Variants in EXOC4 observed in about 807,000 individuals in gnomAD.
EXOC4 encodes exocyst complex component 4, also known as SEC8-like 1.
In EXOC4, 71 loss-of-function variants were observed where a neutral mutation model predicts 107.2. The observed-to-expected ratio is 0.66, with a 90% confidence interval of 0.55 to 0.81. The LOEUF (loss-of-function observed/expected upper bound fraction) is 0.81. EXOC4 is among the 30% of genes least tolerant of loss of function. The pLI, the probability that EXOC4 is intolerant of heterozygous loss-of-function variation, is 0.00. For missense variants in EXOC4, 1,108 were observed against 1,189.6 expected (o/e 0.93, Z 1.01); for synonymous variants, 456 against 441.2 (o/e 1.03, Z -0.42).
At chr7:133,266,012 G>C (rs1474422858) in intron 1 of EXOC4, among the ~76,000 whole-genome samples, 1 of 152,126 alleles carries the variant, frequency 6.6e-6, no homozygotes, top group Non-Finnish European at 1.5e-5. Context: ...TTAAAGTTTG[G>C]TATATTAGTC....
rs572194187 is a variant in EXOC4, at chr7:133,381,751, C to A, written c.1182+6749C>A. ...GGGATTGATTCTTAGCTCCATCTTA[C>A]ACCTTATGACAGTCACTGTGGATAA... On this transcript the variant is annotated intron_variant, in intron 7 of 17. Coordinates refer to ENST00000253861, the MANE Select transcript of EXOC4 (RefSeq NM_021807.4). Among the ~76,000 whole-genome samples the A allele has an allele frequency of 9.8e-5, 15 of 152,296 alleles. No individual in the cohort carries two copies. In the South Asian group the frequency reaches 3.1e-3, roughly 32 times the overall value.
chr7:133,584,563 T>A (rs972186562), intron 9 of EXOC4, among the ~76,000 whole-genome samples: 1 of 148,124 alleles, frequency 6.8e-6, no homozygotes, highest in South Asian at 2.1e-4. Context: ...CTTTGTTTTT[T>A]ACGTATTTCA....
Position 133,912,908 on chromosome 7 carries a change from G to C in EXOC4, c.1872-4675G>C, listed in dbSNP as rs149151145. Among the ~76,000 whole-genome samples, 865 of 152,270 alleles carry C rather than the reference G, an allele frequency of 5.7e-3. 5 individuals carry two copies. The highest frequency in any genetic ancestry group is 0.02 in the African/African-American group (819 of 41,550). ...TTGTGATTTACTTGGTCTTGGGTAT[G>C]GCTTGGGCATCTGGTTTTTAAAATA... is the stretch of plus-strand genomic sequence containing the variant. On this transcript the variant is annotated intron_variant, in intron 12 of 17. Transcript: ENST00000253861.
intron 10 of EXOC4, among the ~76,000 whole-genome samples, chr7:133,717,454 G>T (rs112397266): frequency 1.3e-5 from 2 of 152,212 alleles, no homozygotes; most frequent in African/African-American, 4.8e-5. Context: ...CCCCCAACCC[G>T]TGAGGTCCTC....
rs551035011 is a variant in EXOC4, at chr7:133,287,333, C to T, written c.277-1589C>T. ...TATATATGTATATTTTTTTTTGAGACGGAGTCTTGCTCTGTCGCCCAGGCT... is the reference window on the plus strand; with the variant it reads ...TATATATGTATATTTTTTTTTGAGATGGAGTCTTGCTCTGTCGCCCAGGCT... On this transcript the variant is annotated intron_variant, in intron 2 of 17. Coordinates refer to ENST00000253861, the MANE Select transcript of EXOC4 (RefSeq NM_021807.4). Among the ~76,000 whole-genome samples, 15 of 151,598 alleles carry T rather than the reference C, an allele frequency of 9.9e-5. No homozygotes were observed. In the East Asian group the frequency reaches 1.9e-3, roughly 20 times the overall value.
At chr7:133,256,987 A>AT (rs1562990823) in intron 1 of EXOC4, among the ~76,000 whole-genome samples, 1 of 152,220 alleles carries the variant, frequency 6.6e-6, no homozygotes, top group Non-Finnish European at 1.5e-5. Context: ...GTATTATATG[A>AT]TTTTTTAAGT....
At chr7:133,719,009 G>T (rs1795052674) in intron 10 of EXOC4, among the ~76,000 whole-genome samples, 1 of 152,166 alleles carries the variant, frequency 6.6e-6, no homozygotes, top group Non-Finnish European at 1.5e-5. Flanking sequence ...GTTTGGCTGT[G>T]TCCCCACCCA....
At chr7:133,956,937 G>A (rs1800832875) in intron 14 of EXOC4, among the ~76,000 whole-genome samples, 1 of 151,752 alleles carries the variant, frequency 6.6e-6, no homozygotes, top group Non-Finnish European at 1.5e-5. Flanking sequence ...TGTTTTCTAT[G>A]CATTTCCTTA....
chr7:133,271,023 A>C (rs917321567), intron 1 of EXOC4, among the ~76,000 whole-genome samples: 2 of 150,026 alleles, frequency 1.3e-5, no homozygotes, highest in African/African-American at 4.9e-5. Flanking sequence ...GGTTCAAGTG[A>C]TTCTCTTGCC....
At chr7:133,727,011 G>A (rs906644291) in intron 10 of EXOC4, among the ~76,000 whole-genome samples, 29 of 152,282 alleles carry the variant, frequency 1.9e-4, no homozygotes, top group African/African-American at 6.3e-4. Flanking sequence ...CAAATAAGGC[G>A]TCATGGAATT....
At chr7:133,441,122 TAC>T (rs780252086) in intron 7 of EXOC4, among the ~76,000 whole-genome samples, 5 of 152,264 alleles carry the variant, frequency 3.3e-5, no homozygotes, top group Admixed American at 2.0e-4. Flanking sequence ...AAATAAATGA[TAC>T]AGACTGTAAG....
intron 5 of EXOC4, among the ~76,000 whole-genome samples, chr7:133,335,305 A>T (rs1795487670): frequency 6.6e-6 from 1 of 152,190 alleles, no homozygotes; most frequent in Non-Finnish European, 1.5e-5. Context: ...GCCAATCTCC[A>T]GAAATATCTC....
intron 4 of EXOC4, among the ~76,000 whole-genome samples, chr7:133,309,031 C>T (rs190618767): frequency 6.6e-6 from 1 of 152,180 alleles, no homozygotes; most frequent in Non-Finnish European, 1.5e-5. Context: ...CACTCTTTTA[C>T]CCTTCATTTG....
At chr7:133,741,924 A>G (rs1049245315) in intron 10 of EXOC4, among the ~76,000 whole-genome samples, 4 of 152,192 alleles carry the variant, frequency 2.6e-5, no homozygotes, top group African/African-American at 9.6e-5. Context: ...AGCTGATTAC[A>G]GTGCCCTCAG....
chr7:133,710,155 G>C (rs1046847891), intron 10 of EXOC4, among the ~76,000 whole-genome samples: 19 of 152,284 alleles, frequency 1.2e-4, no homozygotes, highest in Middle Eastern at 3.4e-3. Flanking sequence ...AAGTGCAGCA[G>C]AAGCAGCAAT....
intron 11 of EXOC4, among the ~76,000 whole-genome samples, chr7:133,848,019 C>T (rs533682103): frequency 4.0e-5 from 6 of 151,834 alleles, no homozygotes; most frequent in African/African-American, 7.2e-5. Context: ...CATGAGCCAC[C>T]GCGCCTGGCC....
At chr7:133,263,246 A>G (rs969222253) in intron 1 of EXOC4, among the ~76,000 whole-genome samples, 1 of 152,180 alleles carries the variant, frequency 6.6e-6, no homozygotes, top group Non-Finnish European at 1.5e-5. Flanking sequence ...TTACAAAATC[A>G]CATGTGTGCC....
At chr7:133,879,023 C>T (rs1191618791) in intron 11 of EXOC4, among the ~76,000 whole-genome samples, 2 of 152,164 alleles carry the variant, frequency 1.3e-5, no homozygotes, top group Non-Finnish European at 2.9e-5. Flanking sequence ...CTGCGCCTGG[C>T]CTCAATTTTC....
At chr7:133,291,874 T>C (rs528957646) in intron 3 of EXOC4, among the ~76,000 whole-genome samples, 1 of 152,318 alleles carries the variant, frequency 6.6e-6, no homozygotes, top group South Asian at 2.1e-4. Flanking sequence ...TACTGATTCA[T>C]GATGCTATTT....
Sources: gnomAD v4.1 joint callset for allele counts (sites outside exome capture counted in the v4.1 genomes callset) on GRCh38, gnomAD v4.1.1 for gene constraint, MANE v1.5 for transcripts, NCBI Gene and HGNC (gene_info 2026-07-23, HGNC 2026-07-21) for gene names.